Variants in NLRP3 observed in about 807,000 individuals in gnomAD.
The protein encoded by NLRP3 is NACHT, LRR and PYD domains-containing protein 3.
In NLRP3, 48 loss-of-function variants were observed where a neutral mutation model predicts 91.3. The observed-to-expected ratio is 0.53, with a 90% CI of 0.42 to 0.67. The LOEUF (loss-of-function observed/expected upper bound fraction) is 0.67, where lower values mean the gene tolerates loss of function less well. Ranked by LOEUF, NLRP3 falls within the 30% of genes least tolerant of loss-of-function variation. The pLI, the probability that NLRP3 is intolerant of heterozygous loss-of-function variation, is 0.00. For synonymous variants in NLRP3, 561 were observed against 507.9 expected (o/e 1.10, Z -1.41); for missense variants, 982 against 1,276.9 (o/e 0.77, Z 3.52).
rs201814076 is a variant in NLRP3, at chr1:247,434,140, G to A, written c.2359G>A (p.Asp787Asn). The A allele has an allele frequency of 9.3e-6, 15 of 1,607,404 alleles. No individual in the cohort carries two copies. Among genetic ancestry groups the A allele is most frequent in the African/African-American group, 1.3e-5 (1 of 74,280 alleles). ...TGGCCTCTCGCATGAGTGCTGCTTC[G>A]ACATCTCCTTGGTCCTCAGCAGCAA... ...RCGLSHECCF[D>N]ISLVLSSNQK... The change falls in exon 6 of 10, where the codon GAC becomes AAC. Residue 787 changes from aspartate to asparagine, a missense_variant. Around this residue, in one of 5 missense-constraint regions of NLRP3, gnomAD observed 373 missense variants for 431.5 expected, o/e 0.86. Transcript: ENST00000336119.
chr1:247,424,461 C>T lies in NLRP3; in HGVS notation c.1012C>T (p.Leu338=), dbSNP rs752230443. 6.2e-7 allele frequency: 1 copy of T among 1,614,228 alleles called. No individual in the cohort carries two copies. The highest frequency in any genetic ancestry group is 8.5e-7 in the Non-Finnish European group (1 of 1,180,048). Residue 338 remains leucine (L), a synonymous_variant, in exon 4 of 10, where the codon CTG becomes TTG. Transcript: ENST00000336119. This position sits in a 1 kb window ranked among gnomAD's most constrained non-coding sequence, Gnocchi z 8.1. ...ILLSSLIRKK[L]LPEASLLITT... ...CCTGAGCAGCCTCATCAGAAAGAAGCTGCTTCCCGAGGCCTCTCTGCTCAT... is the reference window on the plus strand; with the variant it reads ...CCTGAGCAGCCTCATCAGAAAGAAGTTGCTTCCCGAGGCCTCTCTGCTCAT...
rs1311500550 is a variant in NLRP3, at chr1:247,444,050, C to T, written c.2742C>T (p.His914=). The T allele has an allele frequency of 2.5e-6, 4 of 1,614,170 alleles. No homozygotes were observed. The highest frequency in any genetic ancestry group is 2.7e-5 in the African/African-American group (2 of 75,030). The change falls in exon 8 of 10, where the codon CAC becomes CAT. Residue 914 remains histidine, a synonymous_variant. Coordinates refer to ENST00000336119, the MANE Select transcript of NLRP3 (RefSeq NM_001243133.2). ...SVLSTNQNLT[H]LYLRGNTLGD... ...TCAGCACTAATCAGAATCTCACGCA[C>T]CTTTACCTGCGAGGCAACACTCTCG...
intron 1 of NLRP3, among the ~76,000 whole-genome samples, chr1:247,417,643 G>A (rs1011434394): frequency 5.3e-5 from 8 of 151,908 alleles, no homozygotes; most frequent in African/African-American, 9.7e-5. Flanking sequence ...TACCATGCCC[G>A]GTTAATTTTT....
At chr1:247,421,510 T>A (rs1662459143) in intron 2 of NLRP3, among the ~76,000 whole-genome samples, 1 of 152,206 alleles carries the variant, frequency 6.6e-6, no homozygotes, top group African/African-American at 2.4e-5. Flanking sequence ...CATACCCAAA[T>A]GAAAGTGTCA....
intron 5 of NLRP3, 56 bp from the exon 6 acceptor site, chr1:247,434,047 G>GAGGCCTTCTCTATTCCA (rs1663579530): frequency 1.3e-6 from 1 of 757,372 alleles, no homozygotes; most frequent in African/African-American, 2.7e-5. Context: ...CCTCTGTTCT[G>GAGGCCTTCTCTATTCCA]GAGCTCTCTG....
In NLRP3 at chr1:247,425,659, C is replaced by T; in HGVS notation, c.2150+60C>T. On this transcript the variant is annotated intron_variant, in intron 4 of 9. Transcript: ENST00000336119. This position sits in a 1 kb window ranked among gnomAD's most constrained non-coding sequence, Gnocchi z 4.1. ...CTTCCTCGCCAGCTTCTTCTTGGCG[C>T]TTGCCTCCTCTCATCTCTTTTCAAC... 1 of 1,468,206 alleles carries T rather than the reference C, an allele frequency of 6.8e-7. No homozygotes were observed. The highest frequency in any genetic ancestry group is 9.4e-7 in the Non-Finnish European group (1 of 1,062,690). 90.9% of individuals were successfully genotyped at this position (1,468,206 alleles called of 1,614,324 possible). A position where few individuals can be genotyped will look rare whatever the true frequency, so the allele number is the denominator to read the frequency against.
At chr1:247,419,168 T>G in intron 2 of NLRP3, 91 bp downstream of exon 2, 1 of 946,366 alleles carries the variant, frequency 1.1e-6, no homozygotes, top group Non-Finnish European at 1.4e-6. Context: ...ATATATATTT[T>G]TTTTTGAGAC....
intron 7 of NLRP3, among the ~76,000 whole-genome samples, chr1:247,440,164 C>CT (rs376916512): frequency 1.4e-3 from 211 of 152,244 alleles, no homozygotes; most frequent in African/African-American, 4.9e-3. Context: ...TTCTCTCGAA[C>CT]TTTGGGTCCT....
At chr1:247,433,445 A>G (rs1009432162) in intron 5 of NLRP3, among the ~76,000 whole-genome samples, 4 of 152,204 alleles carry the variant, frequency 2.6e-5, no homozygotes, top group Non-Finnish European at 5.9e-5. Context: ...ACAAACCAGG[A>G]GCGCACCATT....
At chr1:247,435,664 A>C (rs112902164) in intron 6 of NLRP3, among the ~76,000 whole-genome samples, 1 of 152,330 alleles carries the variant, frequency 6.6e-6, no homozygotes, top group African/African-American at 2.4e-5. Flanking sequence ...AACAATGTGA[A>C]GTGCTTAAGG....
chr1:247,441,019 A>G (rs2103210300), intron 7 of NLRP3, among the ~76,000 whole-genome samples: 1 of 152,294 alleles, frequency 6.6e-6, no homozygotes, highest in South Asian at 2.1e-4. Flanking sequence ...GTCGTCATCC[A>G]TGTCAAGCAC....
intron 6 of NLRP3, among the ~76,000 whole-genome samples, chr1:247,435,456 T>C (rs773254758): frequency 2.6e-5 from 4 of 152,176 alleles, no homozygotes; most frequent in African/African-American, 4.8e-5. Flanking sequence ...CTAAGTAAGA[T>C]AAGCTAGACT....
chr1:247,440,022 T>A (rs1182465749), intron 7 of NLRP3, among the ~76,000 whole-genome samples: 2 of 152,252 alleles, frequency 1.3e-5, no homozygotes, highest in Non-Finnish European at 2.9e-5. Flanking sequence ...CATGTGGCTG[T>A]GTGTTAGGTA....
chr1:247,444,292 G>A, intron 8 of NLRP3, 150 bp downstream of exon 8: 2 of 864,450 alleles, frequency 2.3e-6, no homozygotes, highest in South Asian at 2.8e-5. Flanking sequence ...GGACTGGGAG[G>A]AGTCCTTCCA....
chr1:247,441,135 CTT>C (rs1284125182), intron 7 of NLRP3, among the ~76,000 whole-genome samples: 62 of 26,038 alleles, frequency 2.4e-3, no homozygotes, highest in African/African-American at 5.3e-3. Context: ...TTTTCTCTTT[CTT>C]TCTTTCTTTC....
At chr1:247,438,156 C>T (rs754155281) in intron 7 of NLRP3, among the ~76,000 whole-genome samples, 9 of 152,230 alleles carry the variant, frequency 5.9e-5, no homozygotes, top group Non-Finnish European at 1.3e-4. Context: ...GAGGCATCAG[C>T]AGGCTGGGTC....
At chr1:247,443,083 CCTAA>C (rs989461830) in intron 7 of NLRP3, among the ~76,000 whole-genome samples, 22 of 152,054 alleles carry the variant, frequency 1.4e-4, no homozygotes, top group Non-Finnish European at 2.5e-4. Flanking sequence ...CCACCACCAC[CCTAA>C]CTAATTTTTA....
chr1:247,436,491 G>A (rs1017036321), intron 7 of NLRP3, among the ~76,000 whole-genome samples: 2 of 152,128 alleles, frequency 1.3e-5, no homozygotes, highest in Non-Finnish European at 2.9e-5. Context: ...ATCGCATAGT[G>A]CATGCAGCCT....
At chr1:247,432,249 C>T (rs1663387575) in intron 5 of NLRP3, among the ~76,000 whole-genome samples, 2 of 148,952 alleles carry the variant, frequency 1.3e-5, no homozygotes, top group South Asian at 2.2e-4. Flanking sequence ...CCTCACCTGG[C>T]TCCCACCCTC....
Sources: gnomAD v4.1 joint callset for allele counts (sites outside exome capture counted in the v4.1 genomes callset) on GRCh38, gnomAD v4.1.1 for gene constraint, gnomAD v4.1.1 regional missense constraint, Gnocchi (gnomAD v3.1) non-coding constraint, MANE v1.5 for transcripts, NCBI Gene and HGNC (gene_info 2026-07-23, HGNC 2026-07-21) for gene names.